FUBP1: variants seen among roughly 807,000 people sequenced by gnomAD.
The protein encoded by FUBP1 is far upstream element binding protein 1.
In FUBP1, 16 loss-of-function variants were observed where a neutral mutation model predicts 94.9. The observed-to-expected ratio is 0.17, with a 90% CI of 0.11 to 0.26. The LOEUF is 0.26. FUBP1 is among the 10% of genes least tolerant of loss of function. FUBP1 has a pLI of 1.00. For missense variants in FUBP1, 583 were observed against 808.6 expected (o/e 0.72, Z 3.38); for synonymous variants, 279 against 254.9 (o/e 1.09, Z -0.90).
rs752002891 is a variant in FUBP1, at chr1:77,960,243, G to A, written c.1517C>T (p.Ala506Val). Residue 506 changes from alanine to valine, a missense_variant, in exon 16 of 20, where the codon GCT becomes GTT. By Grantham distance (64) the Ala-to-Val change is moderately conservative. Transcript: ENST00000370768. ...PAPHGPPAPYAPQGWGNAYPH... is the reference protein window; with the variant it reads ...PAPHGPPAPYVPQGWGNAYPH... ...ATATGCATTTCCCCATCCCTGGGGA[G>A]CATATGGGGCTGGAGGACCACTGAA... 4.3e-6 allele frequency: 7 copies of A among 1,611,982 alleles called. No individual in the cohort carries two copies. Among genetic ancestry groups the A allele is most frequent in the Middle Eastern group, 3.3e-4 (2 of 6,040 alleles).
chr1:77,975,480 C>T (rs1346348343), intron 1 of FUBP1, among the ~76,000 whole-genome samples: 1 of 151,702 alleles, frequency 6.6e-6, no homozygotes, highest in African/African-American at 2.4e-5. Flanking sequence ...CAGCCTAAAT[C>T]ACTTTTATAA....
In FUBP1 at chr1:77,958,484, T is replaced by A. The variant is rs564161367; in HGVS notation, c.1576+1700A>T. ...AAGAAACATTTTAGTTCATATAATA[T>A]TAAAACAGTATGCTATTCTAAGTCT... On this transcript the variant is annotated intron_variant, in intron 16 of 19. Transcript: ENST00000370768. Among the ~76,000 whole-genome samples the A allele has an allele frequency of 1.1e-4, 17 of 152,316 alleles. No homozygotes were observed. In the South Asian group the frequency reaches 1.5e-3, roughly 13 times the overall value.
At position 77,960,239 on chromosome 1, in the gene FUBP1, G is replaced by A. The variant is rs374670495; in HGVS notation, c.1521C>T (p.Pro507=). 9 of 1,612,786 alleles carry A rather than the reference G, an allele frequency of 5.6e-6. No individual in the cohort carries two copies. The highest frequency in any genetic ancestry group is 5.5e-5 in the South Asian group (5 of 90,986). The change falls in exon 16 of 20, where the codon CCC becomes CCT. Residue 507 remains proline (P), a synonymous_variant. Coordinates refer to ENST00000370768, the MANE Select transcript of FUBP1 (RefSeq NM_003902.5). ...APHGPPAPYA[P]QGWGNAYPHW... Reference sequence around the variant, plus strand: ...GTGGATATGCATTTCCCCATCCCTGGGGAGCATATGGGGCTGGAGGACCAC... The same window carrying A: ...GTGGATATGCATTTCCCCATCCCTGAGGAGCATATGGGGCTGGAGGACCAC...
intron 18 of FUBP1, 134 bp from the exon 19 acceptor site, chr1:77,949,434 C>G: frequency 1.6e-6 from 1 of 613,260 alleles, no homozygotes; most frequent in Non-Finnish European, 2.7e-6. Context: ...CCCTTGTTGA[C>G]CAAAAAAAAA....
At chr1:77,961,917 G>GTTCCT (rs1235263549) in intron 14 of FUBP1, among the ~76,000 whole-genome samples, 1 of 152,098 alleles carries the variant, frequency 6.6e-6, no homozygotes, top group Non-Finnish European at 1.5e-5. Flanking sequence ...TTTGTAAGAC[G>GTTCCT]TTCCTTAAGC....
Position 77,948,288 on chromosome 1 carries a change from T to TAAAAACTC in FUBP1, c.*470_*477dup, listed in dbSNP as rs1453858394. 9.5e-7 allele frequency: 1 copy of TAAAAACTC among 1,052,780 alleles called. No individual in the cohort carries two copies. Among genetic ancestry groups the TAAAAACTC allele is most frequent in the East Asian group, 5.2e-5 (1 of 19,164 alleles). The allele number at this position is 1,052,780 out of a possible 1,614,324, so 65.2% of individuals were successfully genotyped here. ...AAGGGGGGAAAAACATGCCAGTGTT[T>TAAAAACTC]AAAAACTCAATATTTCATGGGGAAA... is the stretch of plus-strand genomic sequence containing the variant. On this transcript the variant is annotated 3_prime_UTR_variant, in exon 20 of 20. Coordinates refer to ENST00000370768, the MANE Select transcript of FUBP1 (RefSeq NM_003902.5).
chr1:77,949,430 T>C, intron 18 of FUBP1, 130 bp from the exon 19 acceptor site: 2 of 682,508 alleles, frequency 2.9e-6, no homozygotes, highest in South Asian at 2.3e-5. Context: ...TTTGCCCTTG[T>C]TGACCAAAAA....
chr1:77,965,846 A>G (rs1656374056), intron 7 of FUBP1, among the ~76,000 whole-genome samples: 1 of 152,212 alleles, frequency 6.6e-6, no homozygotes, highest in South Asian at 2.1e-4. Context: ...CAAGAGATTG[A>G]GACCATCCCG....
intron 16 of FUBP1, among the ~76,000 whole-genome samples, chr1:77,959,749 T>C (rs1378656515): frequency 6.6e-6 from 1 of 152,158 alleles, no homozygotes; most frequent in Non-Finnish European, 1.5e-5. Flanking sequence ...CCCAGGCTGG[T>C]CTCAAGCCTC....
At chr1:77,973,347 G>C (rs926226142) in intron 1 of FUBP1, among the ~76,000 whole-genome samples, 10 of 152,296 alleles carry the variant, frequency 6.6e-5, no homozygotes, top group African/African-American at 2.4e-4. Context: ...CCAAGTTCAA[G>C]CGATTCTCCT....
At chr1:77,967,584 A>C in intron 4 of FUBP1, 43 bp downstream of exon 4, 1 of 1,511,448 alleles carries the variant, frequency 6.6e-7, no homozygotes. Flanking sequence ...ATACAGCTCA[A>C]CCAAAACTTG....
intron 16 of FUBP1, among the ~76,000 whole-genome samples, chr1:77,957,795 A>G (rs1014948075): frequency 4.6e-5 from 7 of 151,528 alleles, no homozygotes; most frequent in Non-Finnish European, 8.8e-5. Flanking sequence ...GGATGTTTAC[A>G]TATCTCAATA....
intron 7 of FUBP1, 84 bp from the exon 8 acceptor site, chr1:77,965,315 G>A (rs2102405355): frequency 1.2e-6 from 1 of 836,068 alleles, no homozygotes; most frequent in Non-Finnish European, 1.9e-6. Context: ...ATATAACCAA[G>A]TACTCCTCCT....
At chr1:77,967,290 C>T (rs1238202275) in intron 4 of FUBP1, among the ~76,000 whole-genome samples, 189 bp from the exon 5 acceptor site, 1 of 152,092 alleles carries the variant, frequency 6.6e-6, no homozygotes, top group African/African-American at 2.4e-5. Context: ...TTTAAGATGA[C>T]ACATCAAGTG....
intron 2 of FUBP1, chr1:77,969,035 G>A: frequency 1.6e-6 from 2 of 1,275,120 alleles, no homozygotes; most frequent in Non-Finnish European, 2.1e-6. Context: ...TAAAAGGAGA[G>A]GGCATTCCCT....
In FUBP1 at chr1:77,964,330, G is replaced by T; in HGVS notation, c.864C>A (p.Gly288=). The T allele has an allele frequency of 6.3e-7, 1 of 1,599,726 alleles. No individual in the cohort carries two copies. Among genetic ancestry groups the T allele is most frequent in the Non-Finnish European group, 8.5e-7 (1 of 1,173,828 alleles). The part of the protein sequence containing the change: ...IDVPIPRFAV[G]IVIGRNGEMI... Reference sequence around the variant, plus strand: ...TCTCTCCATTTCTTCCTATTACAATGCCAACAGCAAATCTTGGAATGGGGA... The same window carrying T: ...TCTCTCCATTTCTTCCTATTACAATTCCAACAGCAAATCTTGGAATGGGGA... Residue 288 remains glycine, a synonymous_variant, in exon 11 of 20, where the codon GGC becomes GGA. Coordinates refer to ENST00000370768, the MANE Select transcript of FUBP1 (RefSeq NM_003902.5).
intron 16 of FUBP1, 132 bp from the exon 17 acceptor site, chr1:77,956,832 T>G (rs1037711601): frequency 1.1e-5 from 6 of 523,110 alleles, no homozygotes; most frequent in Admixed American, 6.4e-5. Flanking sequence ...TTAAAAAAAG[T>G]ATATGAAAAC....
chr1:77,977,078 T>C (rs567747071), intron 1 of FUBP1, among the ~76,000 whole-genome samples: 1 of 152,254 alleles, frequency 6.6e-6, no homozygotes, highest in African/African-American at 2.4e-5. Context: ...ATAAAGCAAG[T>C]GGATGAATTA....
intron 1 of FUBP1, among the ~76,000 whole-genome samples, chr1:77,971,882 T>C (rs115824074): frequency 0.027 from 4,107 of 151,380 alleles, 146 homozygotes; most frequent in African/African-American, 0.095. Flanking sequence ...TGGTGGCGCA[T>C]GTCACCCAGC....
Sources: gnomAD v4.1 joint callset for allele counts (sites outside exome capture counted in the v4.1 genomes callset) on GRCh38, gnomAD v4.1.1 for gene constraint, MANE v1.5 for transcripts, NCBI Gene and HGNC (gene_info 2026-07-23, HGNC 2026-07-21) for gene names.